BAIAP3: variants seen among roughly 807,000 people sequenced by gnomAD.
BAIAP3 encodes BAI1 associated protein 3, also known as BAI1-associated protein 3.
A neutral mutation model predicts 149.7 loss-of-function variants in BAIAP3; 180 were observed. The ratio of observed to expected loss-of-function variants is 1.20; its 90% CI spans 1.07 to 1.36. The LOEUF is 1.36. BAIAP3 is among the 40% of genes most tolerant of loss of function. The probability of loss-of-function intolerance (pLI) is 0.00; values close to 1 mark genes in which losing one functional copy is unlikely to be tolerated. For missense variants in BAIAP3, 1,767 were observed against 1,563.4 expected, an observed-to-expected ratio of 1.13 and a Z score of -2.20; for synonymous variants, 845 against 670.7, an observed-to-expected ratio of 1.26 and a Z score of -4.02.
chr16:1,341,795 T>G (rs745637259), intron 8 of BAIAP3, 27 bp from the exon 9 acceptor site: 106 of 1,609,014 alleles, frequency 6.6e-5, no homozygotes, highest in Non-Finnish European at 8.6e-5. Flanking sequence ...CCGGGGACCC[T>G]CATGGGCATC....
In BAIAP3 at chr16:1,348,824, G is replaced by A. The variant is rs545700431; in HGVS notation, c.*342G>A. On this transcript the variant is annotated 3_prime_UTR_variant, in exon 34 of 34. Coordinates refer to ENST00000426824, the MANE Select transcript of BAIAP3 (RefSeq NM_001199097.2). ...GGCCCTGGGTGGGCGGTGGGCAGCT[G>A]GTCTCCAGGGACTCAGTGAGTGGCT... The A allele has an allele frequency of 2.5e-4, 108 of 429,410 alleles. No individual in the cohort carries two copies. Among genetic ancestry groups the A allele is most frequent in the African/African-American group, 2.1e-3 (104 of 50,298 alleles). 26.6% of individuals were successfully genotyped at this position (429,410 alleles called of 1,614,324 possible). A position where few individuals can be genotyped will look rare whatever the true frequency, so the allele number is the denominator to read the frequency against.
At chr16:1,337,382 G>A (rs2033528091) in intron 1 of BAIAP3, among the ~76,000 whole-genome samples, 1 of 152,232 alleles carries the variant, frequency 6.6e-6, no homozygotes, top group Non-Finnish European at 1.5e-5. Flanking sequence ...GCTGGGCTTG[G>A]TGGCGGGCGC....
chr16:1,345,193 C>T (rs2034228574), intron 21 of BAIAP3, 56 bp from the exon 22 acceptor site: 7 of 1,608,840 alleles, frequency 4.4e-6, no homozygotes, highest in African/African-American at 1.3e-5. Context: ...GAGCCTGGAA[C>T]GTGCTGGTTA....
Position 1,343,351 on chromosome 16 carries a change from G to C in BAIAP3, c.1266-42G>C, listed in dbSNP as rs1005366316. 5 of 1,563,936 alleles carry C rather than the reference G, an allele frequency of 3.2e-6. No individual in the cohort carries two copies. In the African/African-American group the frequency reaches 5.4e-5, roughly 17 times the overall value. ...AGGCGGTGCTGAGTGGGCATGGCAG[G>C]GGCGGGGTTCATACCCTTTGACCAT... On this transcript the variant is annotated intron_variant, in intron 14 of 33. Transcript: ENST00000426824.
chr16:1,341,594 G>A, intron 8 of BAIAP3, 105 bp downstream of exon 8: 2 of 1,412,916 alleles, frequency 1.4e-6, no homozygotes, highest in East Asian at 2.3e-5. Context: ...GGTCTCTTTG[G>A]GGCCGTGTGC....
intron 1 of BAIAP3, among the ~76,000 whole-genome samples, chr16:1,337,880 TCTA>T (rs981317576): frequency 2.0e-5 from 3 of 152,144 alleles, no homozygotes; most frequent in African/African-American, 7.2e-5. Context: ...CCCCCCACCT[TCTA>T]CTGTCCACCT....
At position 1,346,485 on chromosome 16, in the gene BAIAP3, C is replaced by A. The variant is rs778048689; in HGVS notation, c.2537C>A (p.Ser846Ter). The A allele has an allele frequency of 3.7e-6, 6 of 1,611,840 alleles. No individual in the cohort carries two copies. Among genetic ancestry groups the A allele is most frequent in the Non-Finnish European group, 5.1e-6 (6 of 1,179,476 alleles). The change falls in exon 26 of 34, where the codon TCG becomes TAG. Residue 846 changes from serine (S) to a stop codon, truncating the protein, a stop_gained. Coordinates refer to ENST00000426824, the MANE Select transcript of BAIAP3 (RefSeq NM_001199097.2). LOFTEE classifies it high-confidence loss of function. Reference sequence around the variant, plus strand: ...AAGTATGTACAGCACATCAGTCTCTCGCCTGACTCCATCCAGAACGATGAG... The same window carrying A: ...AAGTATGTACAGCACATCAGTCTCTAGCCTGACTCCATCCAGAACGATGAG... Reference protein sequence around the residue: ...IRKYVQHISLSPDSIQNDEAV... With the variant: ...IRKYVQHISL
rs372458408 is a variant in BAIAP3, at chr16:1,338,489, C to G, written c.-10-51C>G. 11 of 582,558 alleles carry G rather than the reference C, an allele frequency of 1.9e-5. No homozygotes were observed. In the East Asian group the frequency reaches 5.6e-4, roughly 30 times the overall value. The allele number at this position is 582,558 out of a possible 1,614,324, so 36.1% of individuals were successfully genotyped here. A position where few individuals can be genotyped will look rare whatever the true frequency, so the allele number is the denominator to read the frequency against. On this transcript the variant is annotated intron_variant, in intron 1 of 33. Transcript: ENST00000426824. ...CCACCCCCCCGCCTGCTGTGGTGCACGGAGGGTTGAGTGGACGACCTGAGG... is the reference window on the plus strand; with the variant it reads ...CCACCCCCCCGCCTGCTGTGGTGCAGGGAGGGTTGAGTGGACGACCTGAGG...
rs1279253899 is a variant in BAIAP3, at chr16:1,339,192, C to T, written c.248C>T (p.Pro83Leu). ...CCCCTGCGCAGTGGCTCGCCAGCAC[C>T]CCCGGAGCCTGTGGATCCCAGCCTC... ...EVPLRSGSPA[P>L]PEPVDPSLGL... The change falls in exon 4 of 34, where the codon CCC (proline) becomes CTC (leucine). Residue 83 changes from proline (P) to leucine (L), a missense_variant. Coordinates refer to ENST00000426824, the MANE Select transcript of BAIAP3 (RefSeq NM_001199097.2). The T allele has an allele frequency of 1.3e-6, 2 of 1,565,416 alleles. No homozygotes were observed. Among genetic ancestry groups the T allele is most frequent in the East Asian group, 2.4e-5 (1 of 42,342 alleles).
At chr16:1,334,688 A>T (rs369037716) in intron 1 of BAIAP3, 10 of 1,554,244 alleles carry the variant, frequency 6.4e-6, no homozygotes, top group Middle Eastern at 1.7e-4. Flanking sequence ...CAGCGTTTGC[A>T]GCGGGCCCGC....
chr16:1,337,152 C>A (rs960588065), intron 1 of BAIAP3, among the ~76,000 whole-genome samples: 4 of 152,186 alleles, frequency 2.6e-5, no homozygotes. Context: ...CAGGAGGCTA[C>A]GGTGTCTTAG....
Position 1,346,679 on chromosome 16 carries a change from G to A in BAIAP3, c.2637G>A (p.Leu879=). 3 of 1,438,782 alleles carry A rather than the reference G, an allele frequency of 2.1e-6. No individual in the cohort carries two copies. Among genetic ancestry groups the A allele is most frequent in the Non-Finnish European group, 2.8e-6 (3 of 1,056,444 alleles). 89.1% of individuals were successfully genotyped at this position (1,438,782 alleles called of 1,614,324 possible). A position where few individuals can be genotyped will look rare whatever the true frequency, so the allele number is the denominator to read the frequency against. The change falls in exon 27 of 34, where the codon CTG becomes CTA. Residue 879 remains leucine, a synonymous_variant. Transcript: ENST00000426824. ...ACGCCTCGCTGGTGAAGGGGAACCT[G>A]AGCAGGTGCGGGCGGGTGGGGTGGG... ...LLNASLVKGN[L]SRVLEALWEL... is the part of the protein sequence containing the mutation.
intron 1 of BAIAP3, chr16:1,336,133 C>G: frequency 1.2e-6 from 1 of 857,306 alleles, no homozygotes; most frequent in Non-Finnish European, 1.4e-6. Context: ...GAGCCCCCAT[C>G]GCCCCTGTCA....
chr16:1,334,426 C>A (rs935391393), intron 1 of BAIAP3: 17 of 557,240 alleles, frequency 3.1e-5, no homozygotes, highest in East Asian at 2.1e-4. Flanking sequence ...TGCGGGCGCC[C>A]GGGGCCCCGG....
Position 1,346,363 on chromosome 16 carries a change from T to C in BAIAP3, c.2493+2T>C, listed in dbSNP as rs774522015. On this transcript the variant is annotated splice_donor_variant, in intron 25 of 33. Coordinates refer to ENST00000426824, the MANE Select transcript of BAIAP3 (RefSeq NM_001199097.2). LOFTEE classifies it high-confidence loss of function. ...GTGACAGCGCACCTGACCTCTAAGG[T>C]GGGTGGGGCCTGGAGACCAAGGCGT... is the stretch of plus-strand genomic sequence containing the variant. The C allele has an allele frequency of 6.2e-7, 1 of 1,608,932 alleles. No homozygotes were observed. The highest frequency in any genetic ancestry group is 8.5e-7 in the Non-Finnish European group (1 of 1,176,986).
rs1352717210 is a variant in BAIAP3 at position 1,348,643 on chromosome 16, G to GT, written c.*162dup. On this transcript the variant is annotated 3_prime_UTR_variant, in exon 34 of 34. Transcript: ENST00000426824. ...CCCCGCGGCGCCTACCGCCCTGGCC[G>GT]TGTCTGTCTGGTGTGTGCTGTGAAC... The GT allele has an allele frequency of 5.7e-6, 4 of 706,514 alleles. No homozygotes were observed. Among genetic ancestry groups the GT allele is most frequent in the Middle Eastern group, 3.9e-4 (1 of 2,532 alleles). 43.8% of individuals were successfully genotyped at this position (706,514 alleles called of 1,614,324 possible). A position where few individuals can be genotyped will look rare whatever the true frequency, so the allele number is the denominator to read the frequency against.
Position 1,348,173 on chromosome 16 carries a change from C to T in BAIAP3, c.3227C>T (p.Thr1076Ile), listed in dbSNP as rs1403144575. The change falls in exon 33 of 34, where the codon ACC (threonine) becomes ATC (isoleucine). Residue 1076 changes from threonine to isoleucine, a missense_variant. Physicochemically the swap from Thr to Ile is moderately conservative, Grantham distance 89. Transcript: ENST00000426824. ...FTVMDHDWLS[T>I]NDFAGEAALG... ...GTCATGGACCACGACTGGCTGTCCA[C>T]CAACGACTTCGCTGGGGAGGCGGCC... The T allele has an allele frequency of 1.2e-6, 2 of 1,609,000 alleles. No individual in the cohort carries two copies. Among genetic ancestry groups the T allele is most frequent in the African/African-American group, 2.7e-5 (2 of 74,934 alleles).
In BAIAP3 at chr16:1,344,085, C is replaced by T. The variant is rs2034132487; in HGVS notation, c.1450C>T (p.Leu484Phe). 1 of 1,612,226 alleles carries T rather than the reference C, an allele frequency of 6.2e-7. No individual in the cohort carries two copies. Among genetic ancestry groups the T allele is most frequent in the Middle Eastern group, 1.6e-4 (1 of 6,062 alleles). Residue 484 changes from leucine to phenylalanine, a missense_variant, in exon 16 of 34, where the codon CTC (leucine) becomes TTC (phenylalanine). Leu to Phe is a conservative substitution (Grantham distance 22). Transcript: ENST00000426824. ...SEFGLQLLRQ[L>F]RDYFPATNST... Reference sequence around the variant, plus strand: ...GTTCGGGCTGCAGCTGCTGCGCCAGCTCCGAGACTACTTCCCTGCCACCAA... The same window carrying T: ...GTTCGGGCTGCAGCTGCTGCGCCAGTTCCGAGACTACTTCCCTGCCACCAA...
At chr16:1,341,703 ACAGC>A in intron 8 of BAIAP3, 115 bp from the exon 9 acceptor site, 1 of 1,252,966 alleles carries the variant, frequency 8.0e-7, no homozygotes, top group Non-Finnish European at 1.1e-6. Flanking sequence ...TTGGACCTGA[ACAGC>A]CTGTCTGGAG....
Sources: allele counts gnomAD v4.1 joint callset (sites outside exome capture counted in the v4.1 genomes callset), GRCh38; gene constraint gnomAD v4.1.1; transcripts MANE v1.5; gene names NCBI Gene and HGNC (gene_info 2026-07-23, HGNC 2026-07-21).